Variants in MYO9B observed in about 807,000 individuals in gnomAD.
MYO9B encodes the protein myosin IXB, also known as unconventional myosin-IXb.
MYO9B carries 71 observed loss-of-function variants against 229.5 expected under a neutral mutation model. The ratio of observed to expected loss-of-function variants is 0.31; its 90% CI spans 0.26 to 0.38. The LOEUF is 0.38. MYO9B is among the 10% of genes least tolerant of loss of function. The pLI, the probability that MYO9B is intolerant of heterozygous loss-of-function variation, is 1.00. For missense variants in MYO9B, 2,255 were observed against 2,920.5 expected (o/e 0.77, Z 5.25); for synonymous variants, 1,185 against 1,235.8 (o/e 0.96, Z 0.86).
chr19:17,091,712 T>A (rs2057640494), intron 1 of MYO9B, among the ~76,000 whole-genome samples: 2 of 152,034 alleles, frequency 1.3e-5, no homozygotes, highest in African/African-American at 4.8e-5. Flanking sequence ...CCAGCTAGTT[T>A]CTGCTCCCAC....
At chr19:17,191,346 C>A in intron 20 of MYO9B, 127 bp downstream of exon 20, 1 of 1,251,590 alleles carries the variant, frequency 8.0e-7, no homozygotes, top group Non-Finnish European at 1.1e-6. Context: ...ATGCATTTCT[C>A]GGGACCCAGC....
chr19:17,189,891 G>T (rs1041566666), intron 19 of MYO9B, among the ~76,000 whole-genome samples: 1 of 151,686 alleles, frequency 6.6e-6, no homozygotes, highest in African/African-American at 2.4e-5. Context: ...GTGAAACCCC[G>T]TCTCTACTAA....
intron 1 of MYO9B, among the ~76,000 whole-genome samples, chr19:17,083,697 A>G (rs957978302): frequency 1.4e-5 from 2 of 141,230 alleles, no homozygotes; most frequent in South Asian, 4.4e-4. Context: ...CCCAGGCTGG[A>G]GTGCAATGGC....
intron 16 of MYO9B, 184 bp from the exon 17 acceptor site, chr19:17,184,681 C>T: frequency 1.4e-6 from 1 of 693,108 alleles, no homozygotes. Context: ...GTGCAAGGTG[C>T]AAACCCACCT....
chr19:17,102,098 G>A lies in MYO9B; in HGVS notation c.381G>A (p.Ala127=), dbSNP rs771901012. Residue 127 remains alanine, a synonymous_variant, in exon 2 of 40, where the codon GCG becomes GCA. Transcript: ENST00000682292. The stretch of plus-strand genomic sequence containing the variant: ...AGTACGTGCATATGCAGCTGGTGGC[G>A]CAGGCCACAGCCACCCGGCGCCTAG... ...TIKYVHMQLV[A]QATATRRLVE... 58 of 1,612,850 alleles carry A rather than the reference G, an allele frequency of 3.6e-5. No homozygotes were observed. In the East Asian group the frequency reaches 6.5e-4, roughly 18 times the overall value.
intron 2 of MYO9B, among the ~76,000 whole-genome samples, chr19:17,128,284 G>T (rs2072150568): frequency 6.6e-6 from 1 of 151,830 alleles, no homozygotes; most frequent in South Asian, 2.1e-4. Flanking sequence ...CCAGCTACTT[G>T]AGAGTCTGAG....
intron 2 of MYO9B, among the ~76,000 whole-genome samples, chr19:17,136,964 T>A (rs1346168652): frequency 1.3e-5 from 2 of 152,158 alleles, no homozygotes; most frequent in African/African-American, 4.8e-5. Context: ...GCACAGAGGC[T>A]CACGCCTGTA....
chr19:17,087,879 G>A (rs1221778272), intron 1 of MYO9B, among the ~76,000 whole-genome samples: 8 of 150,762 alleles, frequency 5.3e-5, no homozygotes, highest in East Asian at 1.9e-4. Context: ...GCAGTGAGCC[G>A]AGATCGCGCC....
chr19:17,120,527 CAG>C (rs1280085115), intron 2 of MYO9B, among the ~76,000 whole-genome samples: 6 of 150,986 alleles, frequency 4.0e-5, no homozygotes. Context: ...CCCAGCTACT[CAG>C]GAGGCTGAGG....
At position 17,212,430 on chromosome 19, in the gene MYO9B, T is replaced by C. The variant is rs1431086028; in HGVS notation, c.*120T>C. ...GGATCCAGAATCAAAAGCTCAAGAG[T>C]GACGTGAGGTGGGCACCGGCCCCAA... On this transcript the variant is annotated 3_prime_UTR_variant, in exon 40 of 40. Transcript: ENST00000682292. The surrounding 1 kb of genome is among the most constrained non-coding windows in gnomAD (Gnocchi z 5.4). 3 of 1,231,470 alleles carry C rather than the reference T, an allele frequency of 2.4e-6. No homozygotes were observed. Among genetic ancestry groups the C allele is most frequent in the Admixed American group, 3.5e-5 (1 of 28,530 alleles). 76.3% of individuals were successfully genotyped at this position (1,231,470 alleles called of 1,614,324 possible). A position where few individuals can be genotyped will look rare whatever the true frequency, so the allele number is the denominator to read the frequency against.
At chr19:17,191,533 G>T (rs2072985671) in intron 20 of MYO9B, among the ~76,000 whole-genome samples, 1 of 152,150 alleles carries the variant, frequency 6.6e-6, no homozygotes, top group African/African-American at 2.4e-5. Flanking sequence ...ACGGTATGAG[G>T]CAGGAGGTGG....
At chr19:17,156,878 T>C (rs1312231672) in intron 6 of MYO9B, 31 bp from the exon 7 acceptor site, 12 of 1,601,922 alleles carry the variant, frequency 7.5e-6, no homozygotes, top group Non-Finnish European at 9.4e-6. Context: ...ACGTAGAAAC[T>C]ACCCAAATAT....
intron 2 of MYO9B, among the ~76,000 whole-genome samples, chr19:17,114,645 A>G (rs983801783): frequency 1.3e-5 from 2 of 152,078 alleles, no homozygotes; most frequent in East Asian, 3.9e-4. Flanking sequence ...TTTTTTGCAA[A>G]GGAATGTAAT....
At chr19:17,203,085 C>G (rs981193296) in intron 29 of MYO9B, 62 bp from the exon 30 acceptor site, 33 of 1,451,300 alleles carry the variant, frequency 2.3e-5, no homozygotes, top group Non-Finnish European at 3.0e-5. Flanking sequence ...TCGTCATCCA[C>G]CAGTGGCTGG....
intron 1 of MYO9B, among the ~76,000 whole-genome samples, chr19:17,082,443 A>G (rs1188303300): frequency 6.6e-6 from 1 of 152,154 alleles, no homozygotes; most frequent in Non-Finnish European, 1.5e-5. Flanking sequence ...GGGAGGCTCA[A>G]GGCTTTGCTG....
At chr19:17,175,821 ATTC>A (rs2072780590) in intron 14 of MYO9B, 80 bp downstream of exon 14, 88 of 879,394 alleles carry the variant, frequency 1.0e-4, no homozygotes, top group South Asian at 1.2e-4. Context: ...GGAATGCTAC[ATTC>A]TTTTTTTTTT....
intron 2 of MYO9B, among the ~76,000 whole-genome samples, chr19:17,117,555 T>C (rs2057916736): frequency 6.6e-6 from 1 of 152,196 alleles, no homozygotes; most frequent in African/African-American, 2.4e-5. Flanking sequence ...ACACCTTCCC[T>C]AGAGGGGGTT....
At chr19:17,131,264 G>A (rs2072192311) in intron 2 of MYO9B, among the ~76,000 whole-genome samples, 1 of 152,132 alleles carries the variant, frequency 6.6e-6, no homozygotes, top group African/African-American at 2.4e-5. Context: ...GTGTTAATGA[G>A]TACCATTGAA....
At chr19:17,157,104 A>G in intron 7 of MYO9B, 66 bp downstream of exon 7, 1 of 1,555,190 alleles carries the variant, frequency 6.4e-7, no homozygotes, top group Non-Finnish European at 8.7e-7. Context: ...TCTCAGTACG[A>G]GGGACCATAC....
Sources: allele counts gnomAD v4.1 joint callset (sites outside exome capture counted in the v4.1 genomes callset), GRCh38; gene constraint gnomAD v4.1.1; non-coding constraint Gnocchi (gnomAD v3.1); transcripts MANE v1.5; gene names NCBI Gene and HGNC (gene_info 2026-07-23, HGNC 2026-07-21).